The following ASRGL1 variants were observed in gnomAD, a reference collection of about 807,000 sequenced individuals.
ASRGL1 encodes isoaspartyl peptidase/L-asparaginase.
Under a neutral mutation model 22.4 loss-of-function variants are expected in ASRGL1, and 16 were observed. That is an observed-to-expected ratio of 0.71 (90% CI 0.48 to 1.08). The LOEUF (loss-of-function observed/expected upper bound fraction) is 1.08. Ranked by LOEUF, ASRGL1 falls within the 50% of genes least tolerant of loss-of-function variation. The pLI is 0.00. For missense variants in ASRGL1, 412 were observed against 410.1 expected (o/e 1.00, Z -0.04); for synonymous variants, 165 against 159.3 (o/e 1.04, Z -0.27).
chr11:62,363,478 C>G (rs184447636), intron 4 of ASRGL1, among the ~76,000 whole-genome samples: 5 of 152,096 alleles, frequency 3.3e-5, no homozygotes, highest in Non-Finnish European at 5.9e-5. Context: ...GAATAACATT[C>G]TCCTGTTTTT....
intron 4 of ASRGL1, among the ~76,000 whole-genome samples, chr11:62,370,575 A>G (rs1422666463): frequency 2.0e-5 from 3 of 152,136 alleles, no homozygotes; most frequent in African/African-American, 7.2e-5. Flanking sequence ...AAGGGTAGAA[A>G]GACTGTAATT....
intron 4 of ASRGL1, chr11:62,371,542 C>G: frequency 2.8e-6 from 2 of 705,248 alleles, no homozygotes; most frequent in Non-Finnish European, 2.6e-6. Context: ...ATTCTCTAAT[C>G]TCAAGTACCC....
chr11:62,344,634 C>A (rs1327060906), intron 2 of ASRGL1, among the ~76,000 whole-genome samples: 1 of 150,834 alleles, frequency 6.6e-6, no homozygotes, highest in African/African-American at 2.4e-5. Flanking sequence ...GGTGTATTTA[C>A]TTATGGGAGT....
chr11:62,386,664 T>C (rs972061410), intron 4 of ASRGL1, among the ~76,000 whole-genome samples: 1 of 152,206 alleles, frequency 6.6e-6, no homozygotes, highest in African/African-American at 2.4e-5. Context: ...GGTAAACACC[T>C]GTCCATATTT....
At chr11:62,375,457 T>TATATATATAC (rs1946897073) in intron 4 of ASRGL1, among the ~76,000 whole-genome samples, 1 of 111,328 alleles carries the variant, frequency 9.0e-6, no homozygotes, top group Admixed American at 9.3e-5. Flanking sequence ...TATATATATA[T>TATATATATAC]ATATATATAT....
chr11:62,389,529 C>T (rs1236699533), intron 5 of ASRGL1: 3 of 466,432 alleles, frequency 6.4e-6, no homozygotes, highest in Non-Finnish European at 1.2e-5. Context: ...AACGTTGCCC[C>T]CAGTCTACCC....
At position 62,356,207 on chromosome 11, in the gene ASRGL1, G is replaced by C. The variant is rs924766801; in HGVS notation, c.191-118G>C. On this transcript the variant is annotated intron_variant, in intron 2 of 6. Coordinates refer to ENST00000415229, the MANE Select transcript of ASRGL1 (RefSeq NM_001083926.2). ...TTCCCAGTAGGGGCAGCCGGGCAGAGGCGCCCCTCACCTCCCGGATGGGGC... is the reference window on the plus strand; with the variant it reads ...TTCCCAGTAGGGGCAGCCGGGCAGACGCGCCCCTCACCTCCCGGATGGGGC... 3 of 1,257,166 alleles carry C rather than the reference G, an allele frequency of 2.4e-6. No homozygotes were observed. The African/African-American group carries it at 4.5e-5, about 19-fold the overall frequency. The allele number at this position is 1,257,166 out of a possible 1,614,324, so 77.9% of individuals were successfully genotyped here. A position where few individuals can be genotyped will look rare whatever the true frequency, so the allele number is the denominator to read the frequency against.
intron 2 of ASRGL1, among the ~76,000 whole-genome samples, chr11:62,355,639 T>TC (rs1555000922): frequency 6.6e-6 from 1 of 150,740 alleles, no homozygotes; most frequent in Admixed American, 6.6e-5. Context: ...TTTTTTTTTT[T>TC]CATTGATCAT....
chr11:62,375,896 G>A (rs1946914302), intron 4 of ASRGL1, among the ~76,000 whole-genome samples: 1 of 151,846 alleles, frequency 6.6e-6, no homozygotes, highest in Admixed American at 6.6e-5. Context: ...TGGATCACGA[G>A]ATCAAGACCA....
At chr11:62,398,262 C>A (rs1301540425), downstream of ASRGL1, among the ~76,000 whole-genome samples, 4 of 150,684 alleles carry the variant, frequency 2.7e-5, no homozygotes, top group Non-Finnish European at 4.4e-5. Flanking sequence ...CCTGCGCCAC[C>A]ACCAGGAAAG....
intron 4 of ASRGL1, among the ~76,000 whole-genome samples, chr11:62,366,893 A>G (rs1412689597): frequency 1.3e-5 from 2 of 152,150 alleles, no homozygotes; most frequent in Non-Finnish European, 1.5e-5. Flanking sequence ...TGCTTTTGCT[A>G]TGGTATTTTT....
At chr11:62,371,504 G>A in intron 4 of ASRGL1, 1 of 672,988 alleles carries the variant, frequency 1.5e-6, no homozygotes, top group Non-Finnish European at 2.7e-6. Flanking sequence ...AGCGCTTGAA[G>A]GCAGTATGCT....
At chr11:62,370,077 CAT>C in intron 4 of ASRGL1, among the ~76,000 whole-genome samples, 1 of 151,932 alleles carries the variant, frequency 6.6e-6, no homozygotes, top group Middle Eastern at 3.4e-3. Flanking sequence ...CAATTAATCC[CAT>C]AGTCACTGCA....
In ASRGL1 at chr11:62,392,441, C is replaced by T. The variant is rs192907689; in HGVS notation, c.*157C>T. 2.0e-4 allele frequency: 187 copies of T among 918,458 alleles called. 1 individual carries two copies. The Admixed American group carries it at 4.1e-3, about 20-fold the overall frequency. 56.9% of individuals were successfully genotyped at this position (918,458 alleles called of 1,614,324 possible). Reference sequence around the variant, plus strand: ...AGCATCTGAATGTTTGGTTGTGGGGCGGGTTCTGAAGCGATGAGAGAAATG... The same window carrying T: ...AGCATCTGAATGTTTGGTTGTGGGGTGGGTTCTGAAGCGATGAGAGAAATG... On this transcript the variant is annotated 3_prime_UTR_variant, in exon 7 of 7. Transcript: ENST00000415229.
At chr11:62,341,119 C>T (rs1232285033) in intron 2 of ASRGL1, among the ~76,000 whole-genome samples, 2 of 151,768 alleles carry the variant, frequency 1.3e-5, no homozygotes, top group Non-Finnish European at 2.9e-5. Flanking sequence ...TGGAGCTCAG[C>T]GATATTTACA....
chr11:62,394,507 A>C (rs1318338760), downstream of ASRGL1, among the ~76,000 whole-genome samples: 1 of 151,710 alleles, frequency 6.6e-6, no homozygotes, highest in Non-Finnish European at 1.5e-5. Context: ...GACAGAATTC[A>C]GTCCATAACA....
chr11:62,372,251 C>T, intron 4 of ASRGL1: 2 of 1,561,364 alleles, frequency 1.3e-6, no homozygotes, highest in South Asian at 2.2e-5. Flanking sequence ...GGAACCACAC[C>T]TTGGCCTTGA....
rs577189445 is a variant in ASRGL1, at chr11:62,386,891, T to C, written c.492-2242T>C. On this transcript the variant is annotated intron_variant, in intron 4 of 6. Coordinates refer to ENST00000415229, the MANE Select transcript of ASRGL1 (RefSeq NM_001083926.2). ...TGGAGGGCAGGTGGAGTGGAAAGAATGATTTTTTTTTTTTTTTCTGAGATG... is the reference window on the plus strand; with the variant it reads ...TGGAGGGCAGGTGGAGTGGAAAGAACGATTTTTTTTTTTTTTTCTGAGATG... 1.4e-4 allele frequency among the ~76,000 whole-genome samples: 20 copies of C among 139,836 alleles called. No homozygotes were observed. The East Asian group carries it at 3.8e-3, about 27-fold the overall frequency. 91.7% of individuals were successfully genotyped at this position (139,836 alleles called of 152,430 possible).
intron 4 of ASRGL1, among the ~76,000 whole-genome samples, chr11:62,367,572 A>AG (rs894949015): frequency 5.1e-4 from 78 of 151,848 alleles, no homozygotes; most frequent in Admixed American, 1.7e-3. Context: ...TGCACCCAGG[A>AG]GGTGGAGGTT....
Sources: gnomAD v4.1 joint callset for allele counts (sites outside exome capture counted in the v4.1 genomes callset) on GRCh38, gnomAD v4.1.1 for gene constraint, MANE v1.5 for transcripts, NCBI Gene and HGNC (gene_info 2026-07-23, HGNC 2026-07-21) for gene names.